Variants in FSTL4 observed in about 807,000 individuals in gnomAD.
FSTL4 encodes follistatin-related protein 4.
FSTL4 carries 28 observed loss-of-function variants against 78.2 expected under a neutral mutation model. That is an observed-to-expected ratio of 0.36 (90% CI 0.27 to 0.49). The LOEUF is 0.49. Among genes scored for constraint, FSTL4 ranks in the 20% least tolerant of loss-of-function variants. The pLI is 0.98. For synonymous variants in FSTL4, 422 were observed against 440.5 expected, an observed-to-expected ratio of 0.96 and a Z score of 0.53; for missense variants, 922 against 1,084.9, an observed-to-expected ratio of 0.85 and a Z score of 2.11.
At chr5:133,791,574 T>C in the FSTL4 span, among the ~76,000 whole-genome samples, 8 of 152,204 alleles carry the variant, frequency 5.3e-5, no homozygotes, top group Non-Finnish European at 1.2e-4. Context: ...ATTTAACAAA[T>C]ACCTGCTGAG....
the FSTL4 span, among the ~76,000 whole-genome samples, chr5:133,775,517 G>A: frequency 1.3e-5 from 2 of 152,068 alleles, no homozygotes; most frequent in Non-Finnish European, 2.9e-5. Flanking sequence ...CTAAGGTAAT[G>A]GTATTGACGA....
At chr5:133,597,522 C>T (rs899319781) in intron 2 of FSTL4, among the ~76,000 whole-genome samples, 3 of 152,038 alleles carry the variant, frequency 2.0e-5, no homozygotes, top group South Asian at 2.1e-4. Flanking sequence ...CAAGTAAATG[C>T]TAAATTAAGA....
chr5:133,818,885 G>C, the FSTL4 span, among the ~76,000 whole-genome samples: 1 of 126,492 alleles, frequency 7.9e-6, no homozygotes, highest in Non-Finnish European at 1.6e-5. Context: ...CCCCCACCCA[G>C]CCCTTCTCTT....
intron 6 of FSTL4, among the ~76,000 whole-genome samples, chr5:133,272,519 T>C (rs758191428): frequency 1.3e-5 from 2 of 152,254 alleles, no homozygotes; most frequent in Non-Finnish European, 2.9e-5. Context: ...CTCAGCATTA[T>C]GTTTAATCAT....
chr5:133,398,994 C>CT (rs768095049), intron 4 of FSTL4, among the ~76,000 whole-genome samples: 6 of 152,216 alleles, frequency 3.9e-5, no homozygotes, highest in Non-Finnish European at 5.9e-5. Context: ...GCCTGCCCCC[C>CT]GCTCCACGCC....
At position 133,611,991 on chromosome 5, in the gene FSTL4, C is replaced by T. The variant is rs1761106916; in HGVS notation, c.-11+334G>A. 6.6e-6 allele frequency among the ~76,000 whole-genome samples: 1 copy of T among 151,978 alleles called. No homozygotes were observed. Among genetic ancestry groups the T allele is most frequent in the Non-Finnish European group, 1.5e-5 (1 of 67,942 alleles). On this transcript the variant is annotated intron_variant, in intron 1 of 15. Transcript: ENST00000265342. This position sits in a 1 kb window ranked among gnomAD's most constrained non-coding sequence, Gnocchi z 4.9. ...CCGGGCGCGAGCTGCGGGCTCGGCC[C>T]GAGCGCTTCTGCGTGGCGCCCCGCG...
At chr5:133,384,020 TA>T (rs1376129693) in intron 4 of FSTL4, among the ~76,000 whole-genome samples, 3 of 152,208 alleles carry the variant, frequency 2.0e-5, no homozygotes, top group Admixed American at 2.0e-4. Flanking sequence ...TTGTTTAAAT[TA>T]TTAAGCTTTT....
At chr5:133,323,723 G>A (rs554780142) in intron 4 of FSTL4, among the ~76,000 whole-genome samples, 11 of 152,370 alleles carry the variant, frequency 7.2e-5, no homozygotes, top group African/African-American at 2.6e-4. Context: ...CAGCACATGC[G>A]TGGGGCTCCT....
At chr5:133,262,483 T>C (rs1356799474) in intron 6 of FSTL4, among the ~76,000 whole-genome samples, 1 of 152,294 alleles carries the variant, frequency 6.6e-6, no homozygotes, top group East Asian at 1.9e-4. Flanking sequence ...TCAATACCCA[T>C]GCGCCAGGAC....
rs1290149286 is a variant in FSTL4, at chr5:133,197,910, C to T, written c.*1185G>A. 6.6e-6 allele frequency: 1 copy of T among 152,408 alleles called. No individual in the cohort carries two copies. The highest frequency in any genetic ancestry group is 1.5e-5 in the Non-Finnish European group (1 of 68,094). 9.4% of individuals were successfully genotyped at this position (152,408 alleles called of 1,614,324 possible). ...AGAATGCAGTAGTGCCAGCCTGTGG[C>T]CTTCTGTTCTGGGTTCTGCAGTGTG... On this transcript the variant is annotated 3_prime_UTR_variant, in exon 16 of 16. Transcript: ENST00000265342.
At chr5:133,750,561 C>T in the FSTL4 span, among the ~76,000 whole-genome samples, 1 of 152,162 alleles carries the variant, frequency 6.6e-6, no homozygotes, top group East Asian at 1.9e-4. Context: ...CTCTGAATCA[C>T]AGGCTCGGGT....
chr5:133,267,690 G>A (rs1453169159), intron 6 of FSTL4, among the ~76,000 whole-genome samples: 3 of 152,172 alleles, frequency 2.0e-5, no homozygotes, highest in Admixed American at 1.3e-4. Flanking sequence ...ACACACCTGG[G>A]AAGGAACTGC....
chr5:133,757,974 T>C, the FSTL4 span, among the ~76,000 whole-genome samples: 1 of 152,126 alleles, frequency 6.6e-6, no homozygotes, highest in Non-Finnish European at 1.5e-5. Flanking sequence ...AACAACTCAT[T>C]ATATATGTTG....
chr5:133,769,518 G>A, the FSTL4 span, among the ~76,000 whole-genome samples: 19 of 152,160 alleles, frequency 1.2e-4, 1 homozygote, highest in South Asian at 2.5e-3. Flanking sequence ...CCTGCCCCAC[G>A]TCCCATAAAG....
At chr5:133,267,796 T>C (rs1752678794) in intron 6 of FSTL4, among the ~76,000 whole-genome samples, 1 of 151,988 alleles carries the variant, frequency 6.6e-6, no homozygotes, top group Non-Finnish European at 1.5e-5. Context: ...GAGGTCAGGG[T>C]CCAGAGAACA....
At chr5:133,392,033 C>A (rs1755862364) in intron 4 of FSTL4, among the ~76,000 whole-genome samples, 1 of 152,168 alleles carries the variant, frequency 6.6e-6, no homozygotes, top group Non-Finnish European at 1.5e-5. Flanking sequence ...AACAACTGGA[C>A]AGAAGGGTTC....
chr5:133,333,333 C>T (rs1277244296), intron 4 of FSTL4, among the ~76,000 whole-genome samples: 1 of 152,238 alleles, frequency 6.6e-6, no homozygotes, highest in East Asian at 1.9e-4. Context: ...GCAGCCAGGC[C>T]GTTGCCTGCC....
intron 3 of FSTL4, among the ~76,000 whole-genome samples, chr5:133,401,356 A>G (rs957938535): frequency 6.6e-6 from 1 of 152,242 alleles, no homozygotes; most frequent in Non-Finnish European, 1.5e-5. Context: ...CCGTGCTCAC[A>G]AAGAAGCACC....
At chr5:133,645,029 G>A in the FSTL4 span, among the ~76,000 whole-genome samples, 235 of 151,976 alleles carry the variant, frequency 1.5e-3, 1 homozygote, top group African/African-American at 5.4e-3. Flanking sequence ...TCCTAATGGT[G>A]GTAATAACTT....
Sources: gnomAD v4.1 joint callset for allele counts (sites outside exome capture counted in the v4.1 genomes callset) on GRCh38, gnomAD v4.1.1 for gene constraint, Gnocchi (gnomAD v3.1) non-coding constraint, MANE v1.5 for transcripts, NCBI Gene and HGNC (gene_info 2026-07-23, HGNC 2026-07-21) for gene names.